The following GART variants were observed in gnomAD, a reference collection of about 807,000 sequenced individuals.
GART encodes phosphoribosylglycinamide formyltransferase, phosphoribosylglycinamide synthetase, phosphoribosylaminoimidazole synthetase.
In GART, 43 loss-of-function variants were observed where a neutral mutation model predicts 107.2. That is an observed-to-expected ratio of 0.40 (90% confidence interval 0.31 to 0.52). The LOEUF (loss-of-function observed/expected upper bound fraction) is 0.52. GART is among the 20% of genes least tolerant of loss of function. The pLI is 0.52. For missense variants in GART, 1,107 were observed against 1,206.5 expected (o/e 0.92, Z 1.22); for synonymous variants, 434 against 427.0 (o/e 1.02, Z -0.20).
In GART at chr21:33,517,503, T is replaced by C. The variant is rs776843173; in HGVS notation, c.1808A>G (p.Glu603Gly). ...MERDQKLPHL[E>G]RITEGDVVVG... ...AACAACATCACCCTCAGTGATTCTT[T>C]CCAGGTGAGGGAGTTTCTGATCTCG... The change falls in exon 15 of 22, where the codon GAA (glutamate) becomes GGA (glycine). Residue 603 changes from glutamate (E) to glycine (G), a missense_variant. By Grantham distance (98) the Glu-to-Gly change is moderately conservative. Coordinates refer to ENST00000381815, the MANE Select transcript of GART (RefSeq NM_000819.5). The C allele has an allele frequency of 6.2e-7, 1 of 1,614,198 alleles. No individual in the cohort carries two copies. The highest frequency in any genetic ancestry group is 8.5e-7 in the Non-Finnish European group (1 of 1,180,032).
At chr21:33,509,654 A>G in intron 18 of GART, 129 bp downstream of exon 18, 1 of 897,834 alleles carries the variant, frequency 1.1e-6, no homozygotes, top group South Asian at 2.5e-5. Flanking sequence ...CTGAAAAGAC[A>G]AAGACAACCC....
chr21:33,525,334 C>A (rs555611026), intron 10 of GART, among the ~76,000 whole-genome samples: 1 of 152,246 alleles, frequency 6.6e-6, no homozygotes, highest in South Asian at 2.1e-4. Context: ...TGTGATCGCA[C>A]CACTGCTCCA....
At position 33,534,681 on chromosome 21, in the gene GART, G is replaced by A; in HGVS notation, c.314C>T (p.Ser105Phe). 1.2e-6 allele frequency: 2 copies of A among 1,613,282 alleles called. No homozygotes were observed. The highest frequency in any genetic ancestry group is 1.7e-6 in the Non-Finnish European group (2 of 1,179,670). ...AAACTCTTTGGCAAACCTTTTGCTG[G>A]ACTCTAACTGAGCCGCTTCTGCTGT... ...GPTAEAAQLE[S>F]SKRFAKEFMD... Residue 105 changes from serine to phenylalanine, a missense_variant, in exon 4 of 22, where the codon TCC becomes TTC. Ser to Phe is a radical substitution (Grantham distance 155). Coordinates refer to ENST00000381815, the MANE Select transcript of GART (RefSeq NM_000819.5).
intron 4 of GART, 58 bp downstream of exon 4, chr21:33,534,521 C>CAGCACAAATATTAAATA: frequency 6.3e-7 from 1 of 1,586,000 alleles, no homozygotes; most frequent in Non-Finnish European, 8.6e-7. Context: ...GGCCACTGAC[C>CAGCACAAATATTAAATA]TGTGTATTTA....
intron 11 of GART, among the ~76,000 whole-genome samples, chr21:33,523,660 A>G (rs2085013336): frequency 6.6e-6 from 1 of 152,166 alleles, no homozygotes; most frequent in African/African-American, 2.4e-5. Context: ...AACAATAGCA[A>G]ATGTGATATA....
chr21:33,509,737 G>C (rs761567918), intron 18 of GART, 46 bp downstream of exon 18: 2 of 1,598,850 alleles, frequency 1.3e-6, no homozygotes, highest in Admixed American at 3.5e-5. Flanking sequence ...GGGAGGAAAG[G>C]AAGGGCAGTC....
At chr21:33,520,826 C>G (rs2084959839) in intron 13 of GART, 80 bp downstream of exon 13, 10 of 1,099,132 alleles carry the variant, frequency 9.1e-6, no homozygotes, top group Admixed American at 2.2e-5. Context: ...TCATATATGT[C>G]AAGAGAAGAA....
intron 14 of GART, among the ~76,000 whole-genome samples, chr21:33,519,638 G>A (rs1008488902): frequency 1.3e-5 from 2 of 151,188 alleles, no homozygotes; most frequent in African/African-American, 4.9e-5. Flanking sequence ...GACCAGCCTG[G>A]GCAACATGGC....
chr21:33,520,800 C>A, intron 13 of GART, 106 bp downstream of exon 13: 1 of 855,602 alleles, frequency 1.2e-6, no homozygotes, highest in Non-Finnish European at 1.9e-6. Context: ...GGTTATTTGG[C>A]ATGGTCCTTT....
intron 7 of GART, among the ~76,000 whole-genome samples, chr21:33,530,209 CA>C (rs1230799023): frequency 6.6e-6 from 1 of 152,134 alleles, no homozygotes; most frequent in African/African-American, 2.4e-5. Flanking sequence ...ACAACAAAAA[CA>C]AAAACTGTGC....
At chr21:33,524,687 T>C in intron 11 of GART, 82 bp downstream of exon 11, 1 of 1,584,324 alleles carries the variant, frequency 6.3e-7, no homozygotes, top group South Asian at 1.2e-5. Flanking sequence ...CTGAATGACT[T>C]ATAGGGTTAA....
At chr21:33,532,257 C>T (rs1395524125) in intron 5 of GART, 88 bp downstream of exon 5, 1 of 878,758 alleles carries the variant, frequency 1.1e-6, no homozygotes, top group African/African-American at 1.7e-5. Flanking sequence ...AATAGATTTT[C>T]CTTATTGTGA....
chr21:33,510,925 C>T (rs921440561), intron 17 of GART, among the ~76,000 whole-genome samples: 1 of 152,138 alleles, frequency 6.6e-6, no homozygotes, highest in African/African-American at 2.4e-5. Flanking sequence ...CTGACTGATA[C>T]AGTACTTGTC....
chr21:33,515,957 C>T (rs2084869628), intron 16 of GART, among the ~76,000 whole-genome samples: 1 of 151,710 alleles, frequency 6.6e-6, no homozygotes, highest in Admixed American at 6.6e-5. Context: ...CGTTAAAATC[C>T]TACCTTGGGG....
At chr21:33,526,632 C>T (rs1481507268) in intron 10 of GART, among the ~76,000 whole-genome samples, 1 of 151,832 alleles carries the variant, frequency 6.6e-6, no homozygotes, top group Non-Finnish European at 1.5e-5. Context: ...AATCTTTTCA[C>T]TATTATAACA....
intron 17 of GART, 74 bp from the exon 18 acceptor site, chr21:33,509,994 T>G: frequency 1.4e-6 from 2 of 1,391,742 alleles, no homozygotes; most frequent in Non-Finnish European, 2.0e-6. Context: ...AGAAAAATAT[T>G]TTATGAAAAC....
intron 3 of GART, 77 bp from the exon 4 acceptor site, chr21:33,534,830 A>C: frequency 7.8e-7 from 1 of 1,283,934 alleles, no homozygotes; most frequent in Middle Eastern, 2.7e-4. Context: ...AATTAGTATC[A>C]GACTATATCT....
chr21:33,539,430 T>C (rs2085367135), intron 1 of GART, 74 bp from the exon 2 acceptor site: 2 of 1,139,544 alleles, frequency 1.8e-6, no homozygotes, highest in African/African-American at 1.6e-5. Flanking sequence ...CAGTGGCTCA[T>C]GCCTGTACCC....
At chr21:33,519,256 A>G (rs2084928239) in intron 14 of GART, 2 of 157,434 alleles carry the variant, frequency 1.3e-5, no homozygotes, top group African/African-American at 2.4e-5. Flanking sequence ...ATGGTCATAT[A>G]AAAGAGGCAG....
Sources: allele counts gnomAD v4.1 joint callset (sites outside exome capture counted in the v4.1 genomes callset), GRCh38; gene constraint gnomAD v4.1.1; transcripts MANE v1.5; gene names NCBI Gene and HGNC (gene_info 2026-07-23, HGNC 2026-07-21).